CHIC1: variants seen among roughly 807,000 people sequenced by gnomAD.
The protein encoded by CHIC1 is cysteine-rich hydrophobic domain-containing protein 1.
CHIC1 carries 7 observed loss-of-function variants against 18.5 expected under a neutral mutation model. That is an observed-to-expected ratio of 0.38 (90% CI 0.22 to 0.71). CHIC1 has a LOEUF of 0.71. CHIC1 is among the 30% of genes least tolerant of loss of function. CHIC1 has a pLI of 0.49. For synonymous variants in CHIC1, 77 were observed against 73.5 expected (o/e 1.05, Z -0.25); for missense variants, 159 against 176.9 (o/e 0.90, Z 0.57).
chrX:73,640,866 T>C (rs2057852576), intron 3 of CHIC1, among the ~76,000 whole-genome samples: 1 of 111,609 alleles, frequency 9.0e-6, no homozygotes, highest in Non-Finnish European at 1.9e-5. Context: ...ATTTTGGTTA[T>C]TTCTTGTTTT....
At chrX:73,613,447 C>T (rs1445509612) in intron 3 of CHIC1, among the ~76,000 whole-genome samples, 1 of 110,550 alleles carries the variant, frequency 9.0e-6, no homozygotes, top group East Asian at 2.9e-4. Flanking sequence ...CTCTTTCTTG[C>T]TTCCTCTCTT....
Position 73,655,526 on chromosome X carries a change from G to A in CHIC1, c.508-23800G>A, listed in dbSNP as rs187642479. 1.5e-3 allele frequency among the ~76,000 whole-genome samples: 103 copies of A among 69,517 alleles called. 6 individuals carry two copies. Among genetic ancestry groups the A allele is most frequent in the African/African-American group, 5.6e-3 (81 of 14,444 alleles). 60.4% of individuals were successfully genotyped at this position (69,517 alleles called of 115,157 possible). ...TATATACATATATACACAATATTGT[G>A]TATATATATATACATATATATACAA... On this transcript the variant is annotated intron_variant, in intron 3 of 5. Coordinates refer to ENST00000373502, the MANE Select transcript of CHIC1 (RefSeq NM_001039840.4).
At chrX:73,646,318 G>T (rs2037255713) in intron 3 of CHIC1, among the ~76,000 whole-genome samples, 1 of 112,009 alleles carries the variant, frequency 8.9e-6, no homozygotes, top group Non-Finnish European at 1.9e-5. Context: ...AATATATTTT[G>T]AAATCAGGTA....
intron 3 of CHIC1, among the ~76,000 whole-genome samples, chrX:73,617,895 C>G (rs752927350): frequency 8.9e-6 from 1 of 111,815 alleles, no homozygotes; most frequent in Admixed American, 9.5e-5. Flanking sequence ...CTGGTTCTTT[C>G]TCATTTGGGT....
At chrX:73,625,487 CA>C (rs772571206) in intron 3 of CHIC1, among the ~76,000 whole-genome samples, 27 of 111,440 alleles carry the variant, frequency 2.4e-4, no homozygotes, top group Non-Finnish European at 2.1e-4. Flanking sequence ...GACATTTAAT[CA>C]AAAGTTCAGG....
intron 3 of CHIC1, among the ~76,000 whole-genome samples, chrX:73,590,203 T>C (rs2057574808): frequency 9.0e-6 from 1 of 111,292 alleles, no homozygotes; most frequent in African/African-American, 3.3e-5. Context: ...AGAACTTCTT[T>C]TAGTGTTTCA....
At chrX:73,672,012 A>G (rs943837859) in intron 3 of CHIC1, among the ~76,000 whole-genome samples, 1 of 111,212 alleles carries the variant, frequency 9.0e-6, no homozygotes, top group African/African-American at 3.3e-5. Flanking sequence ...GAGTGAGAAC[A>G]TGCGGTGTTT....
chrX:73,594,005 A>AT (rs1189820152), intron 3 of CHIC1, among the ~76,000 whole-genome samples: 8 of 109,424 alleles, frequency 7.3e-5, no homozygotes, highest in South Asian at 7.7e-4. Flanking sequence ...TATTGCATTG[A>AT]TTTTTTTTTC....
chrX:73,650,878 A>C (rs2057913085), intron 3 of CHIC1, among the ~76,000 whole-genome samples: 1 of 111,466 alleles, frequency 9.0e-6, no homozygotes. Flanking sequence ...TGGCAGAGAC[A>C]CAACAAAAAA....
chrX:73,593,879 C>T (rs757384001), intron 3 of CHIC1, among the ~76,000 whole-genome samples: 2 of 111,244 alleles, frequency 1.8e-5, no homozygotes, highest in Non-Finnish European at 3.8e-5. Context: ...CTTTGCCATC[C>T]GATTCTGAAT....
Position 73,667,698 on chromosome X carries a change from A to G in CHIC1, c.508-11628A>G, listed in dbSNP as rs376378624. Among the ~76,000 whole-genome samples the G allele has an allele frequency of 4.5e-5, 5 of 111,481 alleles. No individual in the cohort carries two copies. The East Asian group carries it at 1.4e-3, about 32-fold the overall frequency. ...TGGCCCCTGATTTCTTCTGGCTTGT[A>G]AGGTTTTTCACTGAGAGGTCTGCTC... is the stretch of plus-strand genomic sequence containing the variant. On this transcript the variant is annotated intron_variant, in intron 3 of 5. Coordinates refer to ENST00000373502, the MANE Select transcript of CHIC1 (RefSeq NM_001039840.4).
intron 1 of CHIC1, among the ~76,000 whole-genome samples, chrX:73,567,074 C>T (rs983689079): frequency 9.0e-6 from 1 of 111,253 alleles, no homozygotes; most frequent in Non-Finnish European, 1.9e-5. Flanking sequence ...CTTAACTGTT[C>T]ATTCATGGGC....
intron 3 of CHIC1, among the ~76,000 whole-genome samples, chrX:73,653,822 G>A (rs1248237728): frequency 9.0e-6 from 1 of 111,320 alleles, no homozygotes; most frequent in Non-Finnish European, 1.9e-5. Flanking sequence ...TGTATCTATT[G>A]TAAATGGGAT....
In CHIC1 at chrX:73,602,113, T is replaced by C. The variant is rs1047485688; in HGVS notation, c.507+17541T>C. Among the ~76,000 whole-genome samples the C allele has an allele frequency of 2.1e-4, 22 of 106,842 alleles. 4 individuals carry two copies. The highest frequency in any genetic ancestry group is 7.3e-4 in the African/African-American group (20 of 27,239). The allele number at this position is 106,842 out of a possible 115,157, so 92.8% of individuals were successfully genotyped here. ...TGAAAAAAGCCCAGGGCCAGATGGA[T>C]TCACAGCTGAATTCTACCAGAGGTA... is the stretch of plus-strand genomic sequence containing the variant. On this transcript the variant is annotated intron_variant, in intron 3 of 5. Coordinates refer to ENST00000373502, the MANE Select transcript of CHIC1 (RefSeq NM_001039840.4).
At chrX:73,573,067 A>G (rs1225100299) in intron 1 of CHIC1, among the ~76,000 whole-genome samples, 2 of 111,526 alleles carry the variant, frequency 1.8e-5, no homozygotes, top group South Asian at 3.7e-4. Flanking sequence ...TAGGATTTTT[A>G]TAATTTGAAG....
intron 3 of CHIC1, among the ~76,000 whole-genome samples, chrX:73,591,724 A>G (rs1324087520): frequency 9.0e-6 from 1 of 111,623 alleles, no homozygotes; most frequent in East Asian, 2.8e-4. Context: ...GGTGTAAGGT[A>G]TGTGAATACA....
intron 3 of CHIC1, among the ~76,000 whole-genome samples, chrX:73,643,441 T>C: frequency 9.0e-6 from 1 of 111,580 alleles, no homozygotes; most frequent in South Asian, 3.8e-4. Flanking sequence ...GAAGTTCTCC[T>C]GGATAATATC....
At chrX:73,564,514 ATGT>A (rs2057435215) in intron 1 of CHIC1, among the ~76,000 whole-genome samples, 1 of 111,659 alleles carries the variant, frequency 9.0e-6, no homozygotes, top group South Asian at 3.7e-4. Flanking sequence ...CAAGGCAAAA[ATGT>A]TGATGATTCT....
intron 3 of CHIC1, among the ~76,000 whole-genome samples, chrX:73,670,692 A>G (rs1007672130): frequency 2.7e-5 from 3 of 110,901 alleles, no homozygotes; most frequent in Admixed American, 9.6e-5. Flanking sequence ...CTTTTGCTGT[A>G]TCTTACAGGT....
Sources: allele counts gnomAD v4.1 joint callset (sites outside exome capture counted in the v4.1 genomes callset), GRCh38; gene constraint gnomAD v4.1.1; transcripts MANE v1.5; gene names NCBI Gene and HGNC (gene_info 2026-07-23, HGNC 2026-07-21).